Variants in ZFHX3 observed in about 807,000 individuals in gnomAD.
ZFHX3 encodes the protein zinc finger homeobox protein 3.
Under a neutral mutation model 279.1 loss-of-function variants are expected in ZFHX3, and 42 were observed. That is an observed-to-expected ratio of 0.15 (90% confidence interval 0.12 to 0.19). ZFHX3 has a LOEUF of 0.19. Ranked by LOEUF, ZFHX3 falls within the 10% of genes least tolerant of loss-of-function variation. ZFHX3 has a pLI of 1.00. For synonymous variants in ZFHX3, 2,293 were observed against 1,957.8 expected, an observed-to-expected ratio of 1.17 and a Z score of -4.52; for missense variants, 4,981 against 4,754.0, an observed-to-expected ratio of 1.05 and a Z score of -1.40.
At chr16:73,646,400 A>T (rs2052618803) in intron 2 of ZFHX3, among the ~76,000 whole-genome samples, 1 of 152,188 alleles carries the variant, frequency 6.6e-6, no homozygotes, top group South Asian at 2.1e-4. Context: ...ATTGTATTTC[A>T]TAGAAAATAA....
At chr16:73,783,281 C>A (rs1959532772) in intron 1 of ZFHX3, among the ~76,000 whole-genome samples, 1 of 152,200 alleles carries the variant, frequency 6.6e-6, no homozygotes, top group Non-Finnish European at 1.5e-5. Context: ...CCTCAGAACT[C>A]CGTATGGGAT....
intron 4 of ZFHX3, among the ~76,000 whole-genome samples, chr16:72,834,348 G>T (rs1397781958): frequency 6.6e-6 from 1 of 152,320 alleles, no homozygotes; most frequent in Non-Finnish European, 1.5e-5. Context: ...AATCCAGCCT[G>T]CTCATCACTC....
At chr16:73,008,331 T>C (rs968644107) in intron 1 of ZFHX3, among the ~76,000 whole-genome samples, 1 of 152,222 alleles carries the variant, frequency 6.6e-6, no homozygotes, top group Admixed American at 6.5e-5. Flanking sequence ...AAGTGTGATT[T>C]AGGAGAATAT....
chr16:73,503,763 C>T (rs2019278027), intron 2 of ZFHX3, among the ~76,000 whole-genome samples: 3 of 152,100 alleles, frequency 2.0e-5, no homozygotes, highest in Admixed American at 6.5e-5. Context: ...ATGTAACCAC[C>T]GAACTGGGTC....
intron 5 of ZFHX3, among the ~76,000 whole-genome samples, chr16:73,237,043 A>C (rs1482847575): frequency 6.6e-6 from 1 of 152,188 alleles, no homozygotes; most frequent in Non-Finnish European, 1.5e-5. Flanking sequence ...TCTCACTACA[A>C]CCAGTGATAT....
intron 1 of ZFHX3, among the ~76,000 whole-genome samples, chr16:73,813,435 A>C (rs573469462): frequency 2.7e-4 from 41 of 152,148 alleles, no homozygotes; most frequent in African/African-American, 9.9e-4. Context: ...TTGGCTGCAT[A>C]GGTGAAAATC....
rs796726748 is a variant in ZFHX3, at chr16:73,488,355, C to A, written c.-1546-32097G>T. 4.6e-5 allele frequency among the ~76,000 whole-genome samples: 7 copies of A among 152,174 alleles called. 1 individual carries two copies. The highest frequency in any genetic ancestry group is 1.7e-4 in the African/African-American group (7 of 41,520). ...GTGCTGATGAAAAGAGCAACATGGA[C>A]CTGCACGGGGTGGGGTAGGGGTAAA... On this transcript the variant is annotated intron_variant, in intron 2 of 17. Coordinates refer to the ZFHX3 transcript ENST00000641206.
chr16:73,782,722 G>T (rs999063463), intron 1 of ZFHX3, among the ~76,000 whole-genome samples: 13 of 152,138 alleles, frequency 8.5e-5, no homozygotes, highest in Non-Finnish European at 1.6e-4. Context: ...CTCTGGTTCT[G>T]CCCTTGTCTG....
At chr16:73,056,051 C>T (rs1965549536) in intron 1 of ZFHX3, among the ~76,000 whole-genome samples, 1 of 152,190 alleles carries the variant, frequency 6.6e-6, no homozygotes. Context: ...AACTAAAACC[C>T]GAGGAGGGGG....
chr16:73,019,531 G>A (rs569026788), intron 1 of ZFHX3, among the ~76,000 whole-genome samples: 65 of 152,236 alleles, frequency 4.3e-4, no homozygotes, highest in African/African-American at 1.5e-3. Context: ...CAGCCACACT[G>A]CAGCATCGAG....
intron 4 of ZFHX3, among the ~76,000 whole-genome samples, chr16:72,843,440 GAC>G (rs2037396321): frequency 6.7e-6 from 1 of 149,376 alleles, no homozygotes; most frequent in Non-Finnish European, 1.5e-5. Flanking sequence ...GAACCCGGGA[GAC>G]GGAGCTTGCA....
intron 1 of ZFHX3, among the ~76,000 whole-genome samples, chr16:73,708,978 A>G (rs1364142990): frequency 6.6e-6 from 1 of 152,162 alleles, no homozygotes; most frequent in East Asian, 1.9e-4. Flanking sequence ...GAGGGAATCC[A>G]TGACAATTAC....
chr16:73,620,711 A>T (rs986686303), intron 2 of ZFHX3, among the ~76,000 whole-genome samples: 1 of 152,202 alleles, frequency 6.6e-6, no homozygotes, highest in African/African-American at 2.4e-5. Context: ...ATCCTTATTT[A>T]TTAACTTCTT....
chr16:72,950,518 C>T lies in ZFHX3; in HGVS notation c.3167G>A (p.Arg1056Gln), dbSNP rs745871900. The part of the protein sequence containing the change: ...DYYTNSLEKL[R>Q]LHTVNSRHEA... ...GTGCCTGGAGTTGACCGTGTGCAGC[C>T]GCAGCTTCTCCAGGCTGTTGGTGTA... The change falls in exon 3 of 10, where the codon CGG becomes CAG. Residue 1056 changes from arginine (R) to glutamine (Q), a missense_variant. Physicochemically the swap from Arg to Gln is conservative, Grantham distance 43. This residue lies in a region of ZFHX3 where 1,751 missense variants were observed against 1,770.0 expected (regional missense o/e 0.99). Transcript: ENST00000268489. 8.7e-6 allele frequency: 14 copies of T among 1,614,128 alleles called. No homozygotes were observed. Among genetic ancestry groups the T allele is most frequent in the African/African-American group, 2.7e-5 (2 of 74,934 alleles).
chr16:73,800,835 C>A (rs561269574), intron 1 of ZFHX3, among the ~76,000 whole-genome samples: 2 of 152,178 alleles, frequency 1.3e-5, no homozygotes, highest in Admixed American at 1.3e-4. Context: ...AGCACCCATC[C>A]TTCTGTGTGA....
chr16:73,665,457 AC>A, intron 2 of ZFHX3, among the ~76,000 whole-genome samples: 1 of 151,648 alleles, frequency 6.6e-6, no homozygotes, highest in South Asian at 2.1e-4. Context: ...CAAGTGATAC[AC>A]CCACCTCGGC....
At chr16:73,638,882 C>T (rs912919414) in intron 2 of ZFHX3, among the ~76,000 whole-genome samples, 1 of 152,120 alleles carries the variant, frequency 6.6e-6, no homozygotes, top group Non-Finnish European at 1.5e-5. Flanking sequence ...AAAATGAAGG[C>T]ATCTGAAAGT....
chr16:73,503,183 T>C (rs967265994), intron 2 of ZFHX3, among the ~76,000 whole-genome samples: 5 of 152,242 alleles, frequency 3.3e-5, no homozygotes, highest in Non-Finnish European at 7.3e-5. Flanking sequence ...GAGGTGTTTG[T>C]AGCCATGGTG....
intron 7 of ZFHX3, 74 bp from the exon 8 acceptor site, chr16:72,800,203 A>T: frequency 7.7e-7 from 1 of 1,303,088 alleles, no homozygotes; most frequent in South Asian, 1.2e-5. Flanking sequence ...AAAATTATTT[A>T]ATAAGCAAAA....
Sources: gnomAD v4.1 joint callset for allele counts (sites outside exome capture counted in the v4.1 genomes callset) on GRCh38, gnomAD v4.1.1 for gene constraint, gnomAD v4.1.1 regional missense constraint, MANE v1.5 for transcripts, NCBI Gene and HGNC (gene_info 2026-07-23, HGNC 2026-07-21) for gene names.